Variants in NRXN3 observed in about 807,000 individuals in gnomAD.
NRXN3 encodes neurexin 3, also known as neurexin III.
Under a neutral mutation model 137.6 loss-of-function variants are expected in NRXN3, and 32 were observed. The ratio of observed to expected loss-of-function variants is 0.23; its 90% CI spans 0.18 to 0.31. NRXN3 has a LOEUF of 0.31. NRXN3 is among the 10% of genes least tolerant of loss of function. The probability of loss-of-function intolerance (pLI) is 1.00; values close to 1 mark genes in which losing one functional copy is unlikely to be tolerated. For missense variants in NRXN3, 1,574 were observed against 2,062.5 expected, an observed-to-expected ratio of 0.76 and a Z score of 4.59; for synonymous variants, 798 against 784.5, an observed-to-expected ratio of 1.02 and a Z score of -0.29.
At chr14:78,978,016 G>T (rs1194919639) in intron 14 of NRXN3, among the ~76,000 whole-genome samples, 1 of 152,070 alleles carries the variant, frequency 6.6e-6, no homozygotes, top group Non-Finnish European at 1.5e-5. Flanking sequence ...CCCATCCATG[G>T]CCATAACCAA....
intron 16 of NRXN3, among the ~76,000 whole-genome samples, chr14:79,582,857 T>C (rs2097729827): frequency 6.6e-6 from 1 of 152,206 alleles, no homozygotes; most frequent in Admixed American, 6.5e-5. Context: ...TATAATCTCT[T>C]CAGGGCACCT....
intron 17 of NRXN3, among the ~76,000 whole-genome samples, chr14:79,683,124 G>T (rs946373238): frequency 6.6e-6 from 1 of 152,042 alleles, no homozygotes; most frequent in East Asian, 1.9e-4. Context: ...TTTAATGTTC[G>T]CTCAGAAATA....
chr14:79,387,948 T>C (rs1005781589), intron 15 of NRXN3, among the ~76,000 whole-genome samples: 16 of 104,676 alleles, frequency 1.5e-4, no homozygotes, highest in African/African-American at 5.5e-4. Context: ...CACTGGGGCC[T>C]GTTGTGGGGT....
chr14:79,462,731 T>C (rs1487984534), intron 15 of NRXN3, among the ~76,000 whole-genome samples: 1 of 151,682 alleles, frequency 6.6e-6, no homozygotes, highest in Admixed American at 6.6e-5. Flanking sequence ...TTTGATGGGG[T>C]AAATAATAAA....
At chr14:79,147,021 A>G (rs1251577669) in intron 15 of NRXN3, among the ~76,000 whole-genome samples, 1 of 152,094 alleles carries the variant, frequency 6.6e-6, no homozygotes, top group Admixed American at 6.5e-5. Flanking sequence ...GGGAGGGGGA[A>G]CAGCAGAAAG....
chr14:78,344,090 G>C (rs1212067542), intron 4 of NRXN3, among the ~76,000 whole-genome samples: 4 of 152,304 alleles, frequency 2.6e-5, no homozygotes, highest in Admixed American at 6.5e-5. Flanking sequence ...TAGATATCCA[G>C]GGTCGAGAAG....
chr14:79,385,425 TATATGTGC>T (rs2094586026), intron 15 of NRXN3, among the ~76,000 whole-genome samples: 1 of 152,042 alleles, frequency 6.6e-6, no homozygotes, highest in South Asian at 2.1e-4. Flanking sequence ...TTCCATGGTG[TATATGTGC>T]CACATTTTCT....
intron 16 of NRXN3, among the ~76,000 whole-genome samples, chr14:79,594,392 C>T (rs1022358073): frequency 3.9e-5 from 6 of 152,010 alleles, no homozygotes; most frequent in Admixed American, 3.9e-4. Flanking sequence ...TCATATCTTT[C>T]AGATATTTGG....
intron 4 of NRXN3, among the ~76,000 whole-genome samples, chr14:78,479,197 C>T (rs949036811): frequency 6.6e-5 from 10 of 152,292 alleles, no homozygotes; most frequent in East Asian, 1.9e-4. Flanking sequence ...GACCTTCCCC[C>T]ACCTGCTCTC....
intron 19 of NRXN3, among the ~76,000 whole-genome samples, chr14:79,733,265 A>G (rs2098930412): frequency 6.6e-6 from 1 of 152,192 alleles, no homozygotes; most frequent in South Asian, 2.1e-4. Context: ...CACAGTAAAA[A>G]ATAAAATCTG....
chr14:78,715,593 A>G (rs989499792), intron 8 of NRXN3, among the ~76,000 whole-genome samples: 2 of 152,196 alleles, frequency 1.3e-5, no homozygotes, highest in African/African-American at 4.8e-5. Flanking sequence ...ATATTTAGCC[A>G]TTAAATAACT....
chr14:79,770,794 TAG>T (rs1396035988), intron 19 of NRXN3, among the ~76,000 whole-genome samples: 1 of 150,850 alleles, frequency 6.6e-6, no homozygotes, highest in Non-Finnish European at 1.5e-5. Context: ...CTGAAGGAAA[TAG>T]AGACACAAAA....
At chr14:79,422,156 C>T (rs900881964) in intron 15 of NRXN3, among the ~76,000 whole-genome samples, 11 of 152,016 alleles carry the variant, frequency 7.2e-5, no homozygotes, top group African/African-American at 2.7e-4. Flanking sequence ...ACATTCTGGG[C>T]TCAAGTGATC....
rs550880569 is a variant in NRXN3, at chr14:78,180,818, G to A, written c.-704+10144G>A. ...CCAGGGCAACTCAGGCCCAGCCTCT[G>A]GTGGAGAAAAGCCTGTTTTGGGGTG... On this transcript the variant is annotated intron_variant, in intron 1 of 20. Transcript: ENST00000335750. Among the ~76,000 whole-genome samples the A allele has an allele frequency of 5.8e-4, 89 of 152,296 alleles. 1 individual carries two copies. Among genetic ancestry groups the A allele is most frequent in the Non-Finnish European group, 9.3e-4 (63 of 68,022 alleles).
intron 17 of NRXN3, 21 bp from the exon 18 acceptor site, chr14:79,692,152 G>A (rs1298220189): frequency 6.5e-7 from 1 of 1,549,696 alleles, no homozygotes; most frequent in Non-Finnish European, 8.8e-7. Context: ...TGTTCTTTAA[G>A]CTGTTTTTTA....
At chr14:78,985,395 G>A (rs373169148) in intron 14 of NRXN3, among the ~76,000 whole-genome samples, 38 of 152,248 alleles carry the variant, frequency 2.5e-4, no homozygotes, top group South Asian at 6.2e-4. Flanking sequence ...AGTGCAATGC[G>A]TAATAAAGTG....
At chr14:78,182,750 T>C (rs1043068282) in intron 1 of NRXN3, among the ~76,000 whole-genome samples, 3 of 152,144 alleles carry the variant, frequency 2.0e-5, no homozygotes, top group Non-Finnish European at 4.4e-5. Context: ...GGATTACAAG[T>C]GTGAGCCACT....
intron 10 of NRXN3, among the ~76,000 whole-genome samples, chr14:78,878,821 G>A (rs2099120239): frequency 6.6e-6 from 1 of 151,764 alleles, no homozygotes; most frequent in South Asian, 2.1e-4. Context: ...CTGGAATTTT[G>A]TACCCTTTGG....
chr14:78,486,600 G>A (rs1410000643), intron 4 of NRXN3, among the ~76,000 whole-genome samples: 1 of 152,190 alleles, frequency 6.6e-6, no homozygotes, highest in African/African-American at 2.4e-5. Flanking sequence ...ATGCCACTGA[G>A]AGCCTGGGCT....
Sources: allele counts gnomAD v4.1 joint callset (sites outside exome capture counted in the v4.1 genomes callset), GRCh38; gene constraint gnomAD v4.1.1; transcripts MANE v1.5; gene names NCBI Gene and HGNC (gene_info 2026-07-23, HGNC 2026-07-21).